The following FSBP variants were observed in gnomAD, a reference collection of about 807,000 sequenced individuals.
FSBP encodes the protein fibrinogen silencer binding protein.
Under a neutral mutation model 24.6 loss-of-function variants are expected in FSBP, and 18 were observed. The observed-to-expected ratio is 0.73, with a 90% CI of 0.51 to 1.08. The LOEUF (loss-of-function observed/expected upper bound fraction) is 1.08. Ranked by LOEUF, FSBP falls within the 50% of genes least tolerant of loss-of-function variation. The probability of loss-of-function intolerance (pLI) is 0.00; values close to 1 mark genes in which losing one functional copy is unlikely to be tolerated. For missense variants in FSBP, 305 were observed against 347.6 expected (o/e 0.88, Z 0.98); for synonymous variants, 110 against 125.8 (o/e 0.87, Z 0.84).
rs1235733717 is a variant in FSBP, at chr8:94,431,385, A to C, written c.*746T>G. ...GAGAGAGAATGGGGGTAATTGATGTAATTATCCTGATTTCACAACCTAACA... is the reference window on the plus strand; with the variant it reads ...GAGAGAGAATGGGGGTAATTGATGTCATTATCCTGATTTCACAACCTAACA... On this transcript the variant is annotated 3_prime_UTR_variant, in exon 2 of 2. Transcript: ENST00000481490. 7 of 984,676 alleles carry C rather than the reference A, an allele frequency of 7.1e-6. No individual in the cohort carries two copies. Among genetic ancestry groups the C allele is most frequent in the African/African-American group, 1.7e-5 (1 of 57,212 alleles). 61.0% of individuals were successfully genotyped at this position (984,676 alleles called of 1,614,324 possible). A position where few individuals can be genotyped will look rare whatever the true frequency, so the allele number is the denominator to read the frequency against.
rs2930961 is a variant in FSBP, at chr8:94,431,578, T to C, written c.*553A>G. 0.32 allele frequency: 301,461 copies of C among 931,360 alleles called. 49,560 individuals are homozygous for C. Among genetic ancestry groups the C allele is most frequent in the Admixed American group, 0.47 (7,648 of 16,174 alleles). The allele number at this position is 931,360 out of a possible 1,614,324, so 57.7% of individuals were successfully genotyped here. A position where few individuals can be genotyped will look rare whatever the true frequency, so the allele number is the denominator to read the frequency against. ...TAGCTTTGTTACCCTAAGTAAGTCA[T>C]TGAGTTCTCCCTGGACCTGTTTCAT... is the stretch of plus-strand genomic sequence containing the variant. On this transcript the variant is annotated 3_prime_UTR_variant, in exon 2 of 2. Coordinates refer to ENST00000481490, the MANE Select transcript of FSBP (RefSeq NM_001256141.2).
chr8:94,428,469 C>T lies in FSBP; in HGVS notation c.*3662G>A, dbSNP rs79066129. The T allele has an allele frequency of 2.2e-3, 607 of 279,532 alleles. 2 individuals carry two copies. The highest frequency in any genetic ancestry group is 0.013 in the African/African-American group (554 of 43,768). 17.3% of individuals were successfully genotyped at this position (279,532 alleles called of 1,614,324 possible). On this transcript the variant is annotated 3_prime_UTR_variant, in exon 2 of 2. Coordinates refer to ENST00000481490, the MANE Select transcript of FSBP (RefSeq NM_001256141.2). ...TGTTTGTATTCACATACAATTTACA[C>T]ACATCCTTCCATATACTTTAAATCA...
intron 1 of FSBP, among the ~76,000 whole-genome samples, chr8:94,434,350 A>G (rs890607574): frequency 6.6e-6 from 1 of 151,792 alleles, no homozygotes; most frequent in African/African-American, 2.4e-5. Context: ...AAAAAGGGAG[A>G]AAAAAAGCTT....
At chr8:94,435,759 T>C (rs1812238326) in intron 1 of FSBP, among the ~76,000 whole-genome samples, 1 of 152,014 alleles carries the variant, frequency 6.6e-6, no homozygotes, top group South Asian at 2.1e-4. Flanking sequence ...TAATTTGATA[T>C]CCTTGCAAAG....
chr8:94,436,878 C>A lies in FSBP; in HGVS notation c.-10G>T. ...TAGCCTTTCCTACCATTGTTCTTTTCAAATTAAGTAGGCAGTTTCTGAAAC... is the reference window on the plus strand; with the variant it reads ...TAGCCTTTCCTACCATTGTTCTTTTAAAATTAAGTAGGCAGTTTCTGAAAC... On this transcript the variant is annotated 5_prime_UTR_variant, in exon 1 of 2. It removes the in-frame stop codon of an upstream open reading frame in the 5' UTR. Coordinates refer to ENST00000481490, the MANE Select transcript of FSBP (RefSeq NM_001256141.2). 1.3e-6 allele frequency: 2 copies of A among 1,500,590 alleles called. No homozygotes were observed. Among genetic ancestry groups the A allele is most frequent in the South Asian group, 2.7e-5 (2 of 73,718 alleles). 93.0% of individuals were successfully genotyped at this position (1,500,590 alleles called of 1,614,324 possible).
rs1812079280 is a variant in FSBP, at chr8:94,431,034, C to A, written c.*1097G>T. The A allele has an allele frequency of 1.0e-6, 1 of 985,378 alleles. No homozygotes were observed. Among genetic ancestry groups the A allele is most frequent in the Admixed American group, 6.1e-5 (1 of 16,268 alleles). 61.0% of individuals were successfully genotyped at this position (985,378 alleles called of 1,614,324 possible). A position where few individuals can be genotyped will look rare whatever the true frequency, so the allele number is the denominator to read the frequency against. On this transcript the variant is annotated 3_prime_UTR_variant, in exon 2 of 2. Coordinates refer to ENST00000481490, the MANE Select transcript of FSBP (RefSeq NM_001256141.2). Reference sequence around the variant, plus strand: ...CCCTTCACTGCTGAAATTACACCCACCCCATTCTACAACTTGGCTTAAAAA... The same window carrying A: ...CCCTTCACTGCTGAAATTACACCCAACCCATTCTACAACTTGGCTTAAAAA...
Position 94,429,761 on chromosome 8 carries a change from A to G in FSBP, c.*2370T>C, listed in dbSNP as rs1812039834. The G allele has an allele frequency of 1.0e-6, 1 of 984,942 alleles. No individual in the cohort carries two copies. The highest frequency in any genetic ancestry group is 1.2e-6 in the Non-Finnish European group (1 of 829,476). 61.0% of individuals were successfully genotyped at this position (984,942 alleles called of 1,614,324 possible). On this transcript the variant is annotated 3_prime_UTR_variant, in exon 2 of 2. Coordinates refer to ENST00000481490, the MANE Select transcript of FSBP (RefSeq NM_001256141.2). ...TATATTCAGGACATCTTTATAATTAAAGAAGTTAACTCTACCAGCTATAAA... is the reference window on the plus strand; with the variant it reads ...TATATTCAGGACATCTTTATAATTAGAGAAGTTAACTCTACCAGCTATAAA...
In FSBP at chr8:94,431,358, T is replaced by G. The variant is rs941521365; in HGVS notation, c.*773A>C. 6 of 984,578 alleles carry G rather than the reference T, an allele frequency of 6.1e-6. No individual in the cohort carries two copies. The African/African-American group carries it at 8.7e-5, about 14-fold the overall frequency. The allele number at this position is 984,578 out of a possible 1,614,324, so 61.0% of individuals were successfully genotyped here. A position where few individuals can be genotyped will look rare whatever the true frequency, so the allele number is the denominator to read the frequency against. On this transcript the variant is annotated 3_prime_UTR_variant, in exon 2 of 2. Transcript: ENST00000481490. The stretch of plus-strand genomic sequence containing the variant: ...CTTATCTATTTTGCTGGAACAAAAA[T>G]AGAGAGAGAATGGGGGTAATTGATG...
Position 94,427,759 on chromosome 8 carries a change from GCATTTAACCAT to G in FSBP, c.*4361_*4371del. ...ATTTAAAAGAACATGTGTTAACAAA[GCATTTAACCAT>G]CATTATCTACAGTATATATTAAACA... On this transcript the variant is annotated 3_prime_UTR_variant, in exon 2 of 2. Transcript: ENST00000481490. The G allele has an allele frequency of 1.0e-6, 1 of 970,650 alleles. No individual in the cohort carries two copies. Among genetic ancestry groups the G allele is most frequent in the Non-Finnish European group, 1.2e-6 (1 of 816,744 alleles). The allele number at this position is 970,650 out of a possible 1,614,324, so 60.1% of individuals were successfully genotyped here. A position where few individuals can be genotyped will look rare whatever the true frequency, so the allele number is the denominator to read the frequency against.
rs1444220300 is a variant in FSBP at position 94,432,217 on chromosome 8, C to T, written c.814G>A (p.Glu272Lys). 6.5e-7 allele frequency: 1 copy of T among 1,550,250 alleles called. No homozygotes were observed. Among genetic ancestry groups the T allele is most frequent in the Non-Finnish European group, 8.7e-7 (1 of 1,146,898 alleles). Residue 272 changes from glutamate to lysine, a missense_variant, in exon 2 of 2, where the codon GAA (glutamate) becomes AAA (lysine). By Grantham distance (56) the Glu-to-Lys change is moderately conservative. Coordinates refer to ENST00000481490, the MANE Select transcript of FSBP (RefSeq NM_001256141.2). Reference sequence around the variant, plus strand: ...TCAATTTTTGCTCTTAGTAGCTCTTCCTCTAGCTGCTGCCTTCTTTTCAAT... The same window carrying T: ...TCAATTTTTGCTCTTAGTAGCTCTTTCTCTAGCTGCTGCCTTCTTTTCAAT... ...DGLKRRQQLE[E>K]ELLRAKIEVE...
intron 1 of FSBP, among the ~76,000 whole-genome samples, chr8:94,435,274 G>A (rs1451962713): frequency 6.6e-6 from 1 of 151,944 alleles, no homozygotes; most frequent in Non-Finnish European, 1.5e-5. Flanking sequence ...TCATGTCCTG[G>A]ATTCCCACTG....
chr8:94,430,188 G>T lies in FSBP; in HGVS notation c.*1943C>A. 2 of 606,392 alleles carry T rather than the reference G, an allele frequency of 3.3e-6. No homozygotes were observed. Among genetic ancestry groups the T allele is most frequent in the Non-Finnish European group, 4.1e-6 (2 of 484,308 alleles). 37.6% of individuals were successfully genotyped at this position (606,392 alleles called of 1,614,324 possible). On this transcript the variant is annotated 3_prime_UTR_variant, in exon 2 of 2. Coordinates refer to ENST00000481490, the MANE Select transcript of FSBP (RefSeq NM_001256141.2). The stretch of plus-strand genomic sequence containing the variant: ...ATTAGCCAGGCATGGTGGTGCGCCT[G>T]TAGTCCCAGCTACTTGGGAAGCTGA...
At position 94,432,765 on chromosome 8, in the gene FSBP, A is replaced by G. The variant is rs924963861; in HGVS notation, c.375-109T>C. 4 of 1,293,682 alleles carry G rather than the reference A, an allele frequency of 3.1e-6. No homozygotes were observed. In the African/African-American group the frequency reaches 6.0e-5, roughly 20 times the overall value. 80.1% of individuals were successfully genotyped at this position (1,293,682 alleles called of 1,614,324 possible). A position where few individuals can be genotyped will look rare whatever the true frequency, so the allele number is the denominator to read the frequency against. On this transcript the variant is annotated intron_variant, in intron 1 of 1. Coordinates refer to ENST00000481490, the MANE Select transcript of FSBP (RefSeq NM_001256141.2). The stretch of plus-strand genomic sequence containing the variant: ...CATTAAATGATAAAGCTTTAAAACT[A>G]TAAAGTTACAAAATAAAAAAAAATC...
chr8:94,436,887 T>TA lies in FSBP; in HGVS notation c.-20dup. The TA allele has an allele frequency of 6.7e-7, 1 of 1,492,618 alleles. No individual in the cohort carries two copies. The highest frequency in any genetic ancestry group is 8.9e-7 in the Non-Finnish European group (1 of 1,123,930). 92.5% of individuals were successfully genotyped at this position (1,492,618 alleles called of 1,614,324 possible). ...CTACCATTGTTCTTTTCAAATTAAG[T>TA]AGGCAGTTTCTGAAACCACCATGCA... On this transcript the variant is annotated 5_prime_UTR_variant, in exon 1 of 2. An upstream open reading frame in the 5' UTR loses its in-frame stop. Transcript: ENST00000481490.
chr8:94,435,250 A>T (rs1391043341), intron 1 of FSBP, among the ~76,000 whole-genome samples: 1 of 152,076 alleles, frequency 6.6e-6, no homozygotes, highest in Non-Finnish European at 1.5e-5. Context: ...CCCAAGAATT[A>T]ATCCACTGTG....
intron 1 of FSBP, among the ~76,000 whole-genome samples, chr8:94,435,500 T>C (rs1352197954): frequency 6.6e-6 from 1 of 152,090 alleles, no homozygotes; most frequent in African/African-American, 2.4e-5. Context: ...GCACATTGTG[T>C]AAAGCTTTGT....
Position 94,432,157 on chromosome 8 carries a change from C to T in FSBP, c.874G>A (p.Asp292Asn), listed in dbSNP as rs1563654866. The T allele has an allele frequency of 6.5e-7, 1 of 1,549,964 alleles. No individual in the cohort carries two copies. Among genetic ancestry groups the T allele is most frequent in the Non-Finnish European group, 8.7e-7 (1 of 1,146,796 alleles). Reference sequence around the variant, plus strand: ...TAGAGACTGTTATATTCAGGTAGATCATGCCGTAAGCGAATTGCTTTCAGC... The same window carrying T: ...TAGAGACTGTTATATTCAGGTAGATTATGCCGTAAGCGAATTGCTTTCAGC... The part of the protein sequence containing the change: ...EKLKAIRLRH[D>N]LPEYNSL Residue 292 changes from aspartate (D) to asparagine (N), a missense_variant, in exon 2 of 2, where the codon GAT becomes AAT. Asp to Asn is a conservative substitution (Grantham distance 23, BLOSUM62 1). Transcript: ENST00000481490.
chr8:94,428,280 T>TA lies in FSBP; in HGVS notation c.*3850dup. Reference sequence around the variant, plus strand: ...ACTCTTCTCTATGTTCTCCCAGCATTACATTTTGTAATTAAAGCTCATGGA... The same window carrying TA: ...ACTCTTCTCTATGTTCTCCCAGCATTAACATTTTGTAATTAAAGCTCATGGA... On this transcript the variant is annotated 3_prime_UTR_variant, in exon 2 of 2. Transcript: ENST00000481490. 1.0e-6 allele frequency: 1 copy of TA among 976,050 alleles called. No individual in the cohort carries two copies. Among genetic ancestry groups the TA allele is most frequent in the Non-Finnish European group, 1.2e-6 (1 of 821,416 alleles). The allele number at this position is 976,050 out of a possible 1,614,324, so 60.5% of individuals were successfully genotyped here. A position where few individuals can be genotyped will look rare whatever the true frequency, so the allele number is the denominator to read the frequency against.
In FSBP at chr8:94,429,824, T is replaced by C. The variant is rs1427020650; in HGVS notation, c.*2307A>G. 1.0e-6 allele frequency: 1 copy of C among 985,270 alleles called. No individual in the cohort carries two copies. Among genetic ancestry groups the C allele is most frequent in the African/African-American group, 1.7e-5 (1 of 57,246 alleles). 61.0% of individuals were successfully genotyped at this position (985,270 alleles called of 1,614,324 possible). A position where few individuals can be genotyped will look rare whatever the true frequency, so the allele number is the denominator to read the frequency against. On this transcript the variant is annotated 3_prime_UTR_variant, in exon 2 of 2. Transcript: ENST00000481490. Reference sequence around the variant, plus strand: ...TAATCCAACCAATGAAATTAAGTAGTCAACATGCTAAAATAGTACCTTGAG... The same window carrying C: ...TAATCCAACCAATGAAATTAAGTAGCCAACATGCTAAAATAGTACCTTGAG...
Sources: gnomAD v4.1 joint callset for allele counts (sites outside exome capture counted in the v4.1 genomes callset) on GRCh38, gnomAD v4.1.1 for gene constraint, MANE v1.5 for transcripts, NCBI Gene and HGNC (gene_info 2026-07-23, HGNC 2026-07-21) for gene names.